Variants in PNPT1 observed in about 807,000 individuals in gnomAD.
PNPT1 encodes polyribonucleotide nucleotidyltransferase 1.
In PNPT1, 53 loss-of-function variants were observed where a neutral mutation model predicts 119.5. The ratio of observed to expected loss-of-function variants is 0.44; its 90% CI spans 0.36 to 0.56. PNPT1 has a LOEUF of 0.56. Ranked by LOEUF, PNPT1 falls within the 20% of genes least tolerant of loss-of-function variation. PNPT1 has a pLI of 0.00. For missense variants in PNPT1, 948 were observed against 938.5 expected, an observed-to-expected ratio of 1.01 and a Z score of -0.13; for synonymous variants, 357 against 322.1, an observed-to-expected ratio of 1.11 and a Z score of -1.16.
At chr2:55,676,772 G>C (rs1697085297) in intron 8 of PNPT1, among the ~76,000 whole-genome samples, 2 of 151,108 alleles carry the variant, frequency 1.3e-5, no homozygotes, top group African/African-American at 4.9e-5. Flanking sequence ...TGAGTCAAGA[G>C]AATCACTTGA....
At chr2:55,658,209 A>T (rs1448559130) in intron 15 of PNPT1, among the ~76,000 whole-genome samples, 1 of 152,072 alleles carries the variant, frequency 6.6e-6, no homozygotes, top group Non-Finnish European at 1.5e-5. Context: ...CTCCAGCCTG[A>T]GTGACAGAGT....
intron 1 of PNPT1, 46 bp downstream of exon 1, chr2:55,693,617 G>C (rs764840806): frequency 1.9e-6 from 3 of 1,603,496 alleles, no homozygotes. Flanking sequence ...AAGCTGGCTG[G>C]ACAAGACACC....
chr2:55,640,889 G>C lies in PNPT1; in HGVS notation c.2070-184C>G, dbSNP rs112793141. Among the ~76,000 whole-genome samples, 1,146 of 152,162 alleles carry C rather than the reference G, an allele frequency of 7.5e-3. 21 individuals carry two copies. Among genetic ancestry groups the C allele is most frequent in the African/African-American group, 0.026 (1,087 of 41,506 alleles). On this transcript the variant is annotated intron_variant, in intron 25 of 27. Coordinates refer to ENST00000447944, the MANE Select transcript of PNPT1 (RefSeq NM_033109.5). ...ATATACCCTATAAATAAATATGTGT[G>C]AATCAAAGAATGAAGAAAAGATAAA...
Position 55,645,386 on chromosome 2 carries a change from T to G in PNPT1, c.1785A>C (p.Lys595Asn), listed in dbSNP as rs368876074. The stretch of plus-strand genomic sequence containing the variant: ...CATTTTCTTTTCTAGATGCTCGAGG[T>G]TTTGAAATAGTTTTGTTCATGATCT... ...ILQIMNKTISKPRASRKENGP... is the reference protein window; with the variant it reads ...ILQIMNKTISNPRASRKENGP... Residue 595 changes from lysine to asparagine, a missense_variant, in exon 22 of 28, where the codon AAA becomes AAC. Coordinates refer to ENST00000447944, the MANE Select transcript of PNPT1 (RefSeq NM_033109.5). 3.7e-6 allele frequency: 6 copies of G among 1,612,456 alleles called. No homozygotes were observed. The highest frequency in any genetic ancestry group is 5.1e-6 in the Non-Finnish European group (6 of 1,178,872).
At chr2:55,656,975 A>G (rs1696407041) in intron 15 of PNPT1, among the ~76,000 whole-genome samples, 1 of 152,188 alleles carries the variant, frequency 6.6e-6, no homozygotes, top group Non-Finnish European at 1.5e-5. Flanking sequence ...TGGATATGTT[A>G]CCTTGAAGGA....
rs572684828 is a variant in PNPT1 at position 55,683,819 on chromosome 2, G to A, written c.419C>T (p.Pro140Leu). 25 of 1,613,474 alleles carry A rather than the reference G, an allele frequency of 1.5e-5. No homozygotes were observed. The highest frequency in any genetic ancestry group is 8.9e-5 in the East Asian group (4 of 44,842). ...TSRIIDRSIRPLFPAGYFYDT... is the reference protein window; with the variant it reads ...TSRIIDRSIRLLFPAGYFYDT... Reference sequence around the variant, plus strand: ...ATAGAAGTAGCCAGCTGGAAAGAGCGGTCTAATTGAACGATCTGCCAAAAG... The same window carrying A: ...ATAGAAGTAGCCAGCTGGAAAGAGCAGTCTAATTGAACGATCTGCCAAAAG... The change falls in exon 5 of 28, where the codon CCG becomes CTG. Residue 140 changes from proline (P) to leucine (L), a missense_variant. By Grantham distance (98) the Pro-to-Leu change is moderately conservative. Coordinates refer to ENST00000447944, the MANE Select transcript of PNPT1 (RefSeq NM_033109.5).
intron 7 of PNPT1, 147 bp from the exon 8 acceptor site, chr2:55,679,942 T>A (rs1697193482): frequency 3.3e-6 from 2 of 605,924 alleles, no homozygotes; most frequent in African/African-American, 1.9e-5. Flanking sequence ...CCACAGAACA[T>A]CCTACCCCAC....
intron 27 of PNPT1, among the ~76,000 whole-genome samples, chr2:55,636,857 T>G (rs1695690135): frequency 6.9e-6 from 1 of 144,874 alleles, no homozygotes; most frequent in South Asian, 2.2e-4. Context: ...GGTTTAAAGT[T>G]CCTTCTGATG....
At chr2:55,665,436 G>A (rs989224349) in intron 13 of PNPT1, among the ~76,000 whole-genome samples, 1 of 152,006 alleles carries the variant, frequency 6.6e-6, no homozygotes, top group Admixed American at 6.6e-5. Context: ...AAGTTAAAAG[G>A]CAATAAATAA....
At chr2:55,674,465 C>A (rs1697005096) in intron 8 of PNPT1, among the ~76,000 whole-genome samples, 1 of 152,126 alleles carries the variant, frequency 6.6e-6, no homozygotes, top group African/African-American at 2.4e-5. Context: ...TAGTGGCGTG[C>A]ACCTGTAGTC....
rs1572812935 is a variant in PNPT1 at position 55,660,335 on chromosome 2, A to T, written c.1248-142T>A. The T allele has an allele frequency of 8.6e-6, 7 of 814,112 alleles. No individual in the cohort carries two copies. In the East Asian group the frequency reaches 2.2e-4, roughly 25 times the overall value. 50.4% of individuals were successfully genotyped at this position (814,112 alleles called of 1,614,324 possible). ...TCAGACTGAAACTGAAAACCAAAGA[A>T]TTAATTAGAAGGATGATTGTGAGAT... is the stretch of plus-strand genomic sequence containing the variant. On this transcript the variant is annotated intron_variant, in intron 14 of 27. Coordinates refer to ENST00000447944, the MANE Select transcript of PNPT1 (RefSeq NM_033109.5).
chr2:55,657,378 AT>A (rs1224771635), intron 15 of PNPT1, among the ~76,000 whole-genome samples: 22 of 149,182 alleles, frequency 1.5e-4, no homozygotes, highest in Admixed American at 4.0e-4. Context: ...ATTAACAAGA[AT>A]TTTTTTTTTG....
chr2:55,647,350 A>T lies in PNPT1; in HGVS notation c.1599T>A (p.Ile533=). 6.2e-7 allele frequency: 1 copy of T among 1,600,978 alleles called. No homozygotes were observed. The highest frequency in any genetic ancestry group is 1.1e-5 in the South Asian group (1 of 88,054). ...EIEDYRLLTD[I]LGIEDYNGDM... ...TTGAAACCGAGAATATACTTGCCAA[A>T]ATATCTGTCAGCAAACGATAATCTT... Residue 533 remains isoleucine, a synonymous_variant, in exon 19 of 28, where the codon ATT becomes ATA. Coordinates refer to ENST00000447944, the MANE Select transcript of PNPT1 (RefSeq NM_033109.5).
chr2:55,685,166 G>A, intron 3 of PNPT1, 118 bp from the exon 4 acceptor site: 1 of 611,240 alleles, frequency 1.6e-6, no homozygotes, highest in Non-Finnish European at 2.5e-6. Context: ...AGTAGAAAAT[G>A]TTATTTACTT....
At position 55,636,382 on chromosome 2, in the gene PNPT1, A is replaced by C. The variant is rs374166754; in HGVS notation, c.2207T>G (p.Phe736Cys). The C allele has an allele frequency of 6.2e-7, 1 of 1,614,016 alleles. No homozygotes were observed. Among genetic ancestry groups the C allele is most frequent in the Non-Finnish European group, 8.5e-7 (1 of 1,179,970 alleles). ...TCTTCCATCGGCTGGGTCACGTCCAAAGTATTTCACCTGTGTTAAAGAAAC... is the reference window on the plus strand; with the variant it reads ...TCTTCCATCGGCTGGGTCACGTCCACAGTATTTCACCTGTGTTAAAGAAAC... ...EVGQEIQVKYFGRDPADGRMR... is the reference protein window; with the variant it reads ...EVGQEIQVKYCGRDPADGRMR... The change falls in exon 28 of 28, where the codon TTT becomes TGT. Residue 736 changes from phenylalanine to cysteine, a missense_variant. Phe to Cys is a radical substitution (Grantham distance 205, BLOSUM62 -2). Coordinates refer to ENST00000447944, the MANE Select transcript of PNPT1 (RefSeq NM_033109.5).
At position 55,656,288 on chromosome 2, in the gene PNPT1, T is replaced by G. The variant is rs1204215745; in HGVS notation, c.1351+17A>C. 9 of 1,610,732 alleles carry G rather than the reference T, an allele frequency of 5.6e-6. No homozygotes were observed. The highest frequency in any genetic ancestry group is 6.8e-6 in the Non-Finnish European group (8 of 1,178,716). On this transcript the variant is annotated intron_variant, in intron 16 of 27. Coordinates refer to ENST00000447944, the MANE Select transcript of PNPT1 (RefSeq NM_033109.5). Reference sequence around the variant, plus strand: ...CTCTGTAAGAATACCGTATTAAGTTTACAGACCTGTACTTACCATGCCCAA... The same window carrying G: ...CTCTGTAAGAATACCGTATTAAGTTGACAGACCTGTACTTACCATGCCCAA...
intron 25 of PNPT1, among the ~76,000 whole-genome samples, chr2:55,641,550 G>A (rs910069354): frequency 2.0e-5 from 3 of 152,150 alleles, no homozygotes; most frequent in South Asian, 4.2e-4. Flanking sequence ...AATCTCATAT[G>A]ATTAACCTGT....
At chr2:55,640,417 G>C (rs1428988003) in intron 26 of PNPT1, among the ~76,000 whole-genome samples, 1 of 152,190 alleles carries the variant, frequency 6.6e-6, no homozygotes, top group Non-Finnish European at 1.5e-5. Context: ...CTTCCAGAGT[G>C]CTGGGATTAC....
chr2:55,664,010 T>C (rs1696659651), intron 13 of PNPT1, among the ~76,000 whole-genome samples: 1 of 152,004 alleles, frequency 6.6e-6, no homozygotes, highest in Non-Finnish European at 1.5e-5. Flanking sequence ...ACTCATAGGA[T>C]GATATTAAAG....
Sources: gnomAD v4.1 joint callset for allele counts (sites outside exome capture counted in the v4.1 genomes callset) on GRCh38, gnomAD v4.1.1 for gene constraint, MANE v1.5 for transcripts, NCBI Gene and HGNC (gene_info 2026-07-23, HGNC 2026-07-21) for gene names.